The following CDH13 variants were observed in gnomAD, a reference collection of about 807,000 sequenced individuals.
CDH13 encodes cadherin-13.
Under a neutral mutation model 63.8 loss-of-function variants are expected in CDH13, and 24 were observed. That is an observed-to-expected ratio of 0.38 (90% CI 0.27 to 0.53). The LOEUF (loss-of-function observed/expected upper bound fraction) is 0.53. CDH13 is among the 20% of genes least tolerant of loss of function. The pLI is 0.85. For missense variants in CDH13, 1,049 were observed against 903.1 expected (o/e 1.16, Z -2.07); for synonymous variants, 503 against 355.3 (o/e 1.42, Z -4.67).
At chr16:83,390,032 G>C (rs774573404) in intron 6 of CDH13, among the ~76,000 whole-genome samples, 1 of 150,010 alleles carries the variant, frequency 6.7e-6, no homozygotes, top group Non-Finnish European at 1.5e-5. Flanking sequence ...GCTTGCAGCT[G>C]GGGCCTTAGC....
intron 11 of CDH13, among the ~76,000 whole-genome samples, chr16:83,778,840 G>T (rs1334623530): frequency 7.2e-5 from 11 of 152,142 alleles, no homozygotes; most frequent in Non-Finnish European, 1.6e-4. Flanking sequence ...AAATGTCTTG[G>T]ATTTAATCTT....
chr16:83,252,865 A>G (rs1295624983), intron 5 of CDH13, among the ~76,000 whole-genome samples: 1 of 152,186 alleles, frequency 6.6e-6, no homozygotes, highest in Non-Finnish European at 1.5e-5. Context: ...CAGAGTTAAC[A>G]TCATGGGACT....
At chr16:82,795,340 C>G (rs184181160) in intron 1 of CDH13, among the ~76,000 whole-genome samples, 34 of 152,316 alleles carry the variant, frequency 2.2e-4, no homozygotes, top group African/African-American at 7.0e-4. Flanking sequence ...AGACCACATT[C>G]TGCATCTTAG....
At chr16:83,495,195 A>G (rs1480771099) in intron 7 of CDH13, among the ~76,000 whole-genome samples, 1 of 152,230 alleles carries the variant, frequency 6.6e-6, no homozygotes, top group Non-Finnish European at 1.5e-5. Flanking sequence ...TCGGGCCACA[A>G]ATAAGTTTTA....
At chr16:83,423,860 G>C (rs2071796745) in intron 6 of CDH13, among the ~76,000 whole-genome samples, 1 of 152,214 alleles carries the variant, frequency 6.6e-6, no homozygotes, top group African/African-American at 2.4e-5. Context: ...TGTGGGGAAA[G>C]ATAATTCTTA....
intron 3 of CDH13, among the ~76,000 whole-genome samples, chr16:83,050,612 C>T (rs1287525131): frequency 6.6e-6 from 1 of 152,074 alleles, no homozygotes; most frequent in Admixed American, 6.5e-5. Flanking sequence ...CAATTTTATC[C>T]AACCTAGCAG....
chr16:83,496,488 A>G (rs1204625000), intron 7 of CDH13, among the ~76,000 whole-genome samples: 1 of 151,680 alleles, frequency 6.6e-6, no homozygotes, highest in Non-Finnish European at 1.5e-5. Flanking sequence ...TCCCTTCCTT[A>G]CACCTTATAC....
chr16:83,147,404 G>A (rs182285297), intron 4 of CDH13, among the ~76,000 whole-genome samples: 115 of 152,200 alleles, frequency 7.6e-4, no homozygotes, highest in Non-Finnish European at 1.3e-3. Flanking sequence ...GACTTTTAAA[G>A]AAAGTAAATC....
At chr16:83,095,215 A>G (rs908975046) in intron 3 of CDH13, among the ~76,000 whole-genome samples, 4 of 152,238 alleles carry the variant, frequency 2.6e-5, no homozygotes, top group African/African-American at 9.6e-5. Flanking sequence ...ATTGGAAGAA[A>G]TAGTAAAAAT....
chr16:83,469,882 A>G (rs12599222), intron 6 of CDH13, among the ~76,000 whole-genome samples: 78,932 of 152,126 alleles, frequency 0.52, 21,500 homozygotes, highest in East Asian at 0.84. Flanking sequence ...CAATGTGTGC[A>G]TTACACACTG....
At chr16:82,838,917 A>T (rs9932406) in intron 1 of CDH13, among the ~76,000 whole-genome samples, 1 of 152,026 alleles carries the variant, frequency 6.6e-6, no homozygotes, top group Admixed American at 6.5e-5. Flanking sequence ...TTTCTCAAAG[A>T]GCCAGATAAT....
intron 2 of CDH13, among the ~76,000 whole-genome samples, chr16:82,882,450 C>A (rs572095524): frequency 3.3e-5 from 5 of 152,160 alleles, no homozygotes; most frequent in African/African-American, 9.7e-5. Context: ...CGTACACATG[C>A]GTATCAGGCA....
intron 1 of CDH13, among the ~76,000 whole-genome samples, chr16:82,692,069 G>A (rs1435027590): frequency 2.6e-5 from 4 of 152,238 alleles, no homozygotes; most frequent in African/African-American, 7.2e-5. Flanking sequence ...GCTGGACAAT[G>A]AATTATCTGT....
chr16:83,032,094 T>G lies in CDH13; in HGVS notation c.242T>G (p.Leu81Ter), dbSNP rs1916412047. Residue 81 changes from leucine (L) to a stop codon, truncating the protein, a stop_gained, in exon 3 of 14, where the codon TTA becomes TGA. Coordinates refer to ENST00000567109, the MANE Select transcript of CDH13 (RefSeq NM_001257.5). LOFTEE classifies it high-confidence loss of function. ...TTCAAGGTGAACAGCGATGGCGGCT[T>G]AGTTGCTCTGAGAAACATAACTGCA... ...PYFKVNSDGGLVALRNITAVG... is the reference protein window; with the variant it reads ...PYFKVNSDGG The G allele has an allele frequency of 6.2e-7, 1 of 1,613,072 alleles. No individual in the cohort carries two copies. Among genetic ancestry groups the G allele is most frequent in the Non-Finnish European group, 8.5e-7 (1 of 1,179,580 alleles).
intron 2 of CDH13, among the ~76,000 whole-genome samples, chr16:83,024,537 A>T (rs1915624427): frequency 6.6e-6 from 1 of 152,060 alleles, no homozygotes; most frequent in African/African-American, 2.4e-5. Flanking sequence ...TTTGGATTTG[A>T]CCTCGGTTCA....
intron 10 of CDH13, among the ~76,000 whole-genome samples, chr16:83,739,689 G>C (rs1206992056): frequency 1.3e-5 from 2 of 152,178 alleles, no homozygotes; most frequent in African/African-American, 2.4e-5. Context: ...TGGCTCTTTT[G>C]AGAGACCTGC....
At chr16:83,289,195 T>C (rs757263502) in intron 5 of CDH13, among the ~76,000 whole-genome samples, 1 of 141,984 alleles carries the variant, frequency 7.0e-6, no homozygotes, top group African/African-American at 2.9e-5. Context: ...TGAATGTGCG[T>C]GAACTTGGTT....
intron 1 of CDH13, among the ~76,000 whole-genome samples, chr16:82,768,742 C>T (rs1221500011): frequency 2.0e-5 from 3 of 152,190 alleles, no homozygotes; most frequent in East Asian, 3.9e-4. Flanking sequence ...GTTCAGCAGC[C>T]ACTGAACATC....
chr16:83,014,884 G>A (rs1357811427), intron 2 of CDH13, among the ~76,000 whole-genome samples: 7 of 126,584 alleles, frequency 5.5e-5, no homozygotes, highest in Non-Finnish European at 1.2e-4. Context: ...ATATATGTTT[G>A]TGTATATATA....
Sources: gnomAD v4.1 joint callset for allele counts (sites outside exome capture counted in the v4.1 genomes callset) on GRCh38, gnomAD v4.1.1 for gene constraint, MANE v1.5 for transcripts, NCBI Gene and HGNC (gene_info 2026-07-23, HGNC 2026-07-21) for gene names.